Variants in ANKRD36C observed in about 807,000 individuals in gnomAD.
The protein encoded by ANKRD36C is ankyrin repeat domain 36C.
Under a neutral mutation model 276.4 loss-of-function variants are expected in ANKRD36C, and 61 were observed. The observed-to-expected ratio is 0.22, with a 90% CI of 0.18 to 0.27. The LOEUF is 0.27. Among genes scored for constraint, ANKRD36C ranks in the 10% least tolerant of loss-of-function variants. The pLI, the probability that ANKRD36C is intolerant of heterozygous loss-of-function variation, is 1.00. For missense variants in ANKRD36C, 1,447 were observed against 2,032.3 expected, an observed-to-expected ratio of 0.71 and a Z score of 5.54; for synonymous variants, 483 against 680.1, an observed-to-expected ratio of 0.71 and a Z score of 4.51.
In ANKRD36C at chr2:95,895,491, A is replaced by C. The variant is rs1383692085; in HGVS notation, c.2756-3631T>G. 2.1e-5 allele frequency: 29 copies of C among 1,365,976 alleles called. No individual in the cohort carries two copies. The Middle Eastern group carries it at 1.1e-3, about 50-fold the overall frequency. 84.6% of individuals were successfully genotyped at this position (1,365,976 alleles called of 1,614,324 possible). On this transcript the variant is annotated intron_variant, in intron 44 of 66. Coordinates refer to ENST00000456556, the Ensembl canonical transcript of ANKRD36C. ...TGTAGCCTGAATGGAATTTGAAACAAAATAATAAATAAGGTATGTTTCATA... is the reference window on the plus strand; with the variant it reads ...TGTAGCCTGAATGGAATTTGAAACACAATAATAAATAAGGTATGTTTCATA...
chr2:95,925,096 C>A (rs1442753367), intron 30 of ANKRD36C, among the ~76,000 whole-genome samples: 1 of 151,576 alleles, frequency 6.6e-6, no homozygotes, highest in African/African-American at 2.4e-5. Flanking sequence ...GTCCTCCGAT[C>A]CTCTTATGTC....
chr2:95,856,670 G>A (rs761355083), intron 62 of ANKRD36C, among the ~76,000 whole-genome samples: 4 of 151,940 alleles, frequency 2.6e-5, no homozygotes, highest in Non-Finnish European at 5.9e-5. Flanking sequence ...TATTGTTATG[G>A]TCAATTTTAA....
chr2:95,866,710 C>G (rs1436729324), intron 60 of ANKRD36C, among the ~76,000 whole-genome samples: 3 of 151,944 alleles, frequency 2.0e-5, no homozygotes, highest in Non-Finnish European at 4.4e-5. Context: ...TTTGGAAAAC[C>G]ATTTAGCAGC....
intron 1 of ANKRD36C, 60 bp downstream of exon 1, chr2:95,991,452 G>A (rs1679137252): frequency 7.1e-7 from 1 of 1,404,026 alleles, no homozygotes; most frequent in Non-Finnish European, 9.4e-7. Context: ...AGCCTGGAAA[G>A]GGGTACTTCT....
intron 5 of ANKRD36C, among the ~76,000 whole-genome samples, chr2:95,979,119 A>G (rs1353505644): frequency 6.6e-6 from 1 of 152,056 alleles, no homozygotes. Flanking sequence ...AAATATTTAC[A>G]CAACACCCCA....
chr2:95,891,477 C>A (rs1161156173), intron 46 of ANKRD36C, among the ~76,000 whole-genome samples, 188 bp downstream of exon 66: 1 of 151,466 alleles, frequency 6.6e-6, no homozygotes, highest in African/African-American at 2.4e-5. Context: ...AGTGTATACT[C>A]TTACTGCGAA....
chr2:95,945,118 T>C (rs1210370138), exon 18 of ANKRD36C: 2 of 1,537,242 alleles, frequency 1.3e-6, no homozygotes, highest in Admixed American at 3.9e-5. Flanking sequence ...GCTTACACTT[T>C]TCTGCAGATT....
intron 60 of ANKRD36C, among the ~76,000 whole-genome samples, chr2:95,865,074 T>G (rs527714583): frequency 5.5e-4 from 84 of 152,108 alleles, no homozygotes; most frequent in African/African-American, 1.9e-3. Flanking sequence ...CCTGTATAAA[T>G]AAAGTCAAAT....
At chr2:95,986,275 C>G (rs1233961010) in intron 3 of ANKRD36C, among the ~76,000 whole-genome samples, 1 of 151,972 alleles carries the variant, frequency 6.6e-6, no homozygotes, top group African/African-American at 2.4e-5. Flanking sequence ...TAAGCCTTTC[C>G]ACAGAGGAAT....
chr2:95,887,784 G>T (rs1387242612), intron 50 of ANKRD36C, 141 bp downstream of exon 70: 35 of 1,084,938 alleles, frequency 3.2e-5, no homozygotes, highest in Non-Finnish European at 4.4e-5. Context: ...CGTCACCCAA[G>T]AACTTATTAA....
intron 59 of ANKRD36C, among the ~76,000 whole-genome samples, chr2:95,870,823 GA>G (rs1675792030): frequency 6.6e-6 from 1 of 152,198 alleles, no homozygotes; most frequent in African/African-American, 2.4e-5. Context: ...GTGCTTAAAG[GA>G]GCTGATGAAG....
rs543378686 is a variant in ANKRD36C, at chr2:95,962,609, T to A, written c.800-62A>T. On this transcript the variant is annotated intron_variant, in intron 6 of 66. Coordinates refer to ENST00000456556, the Ensembl canonical transcript of ANKRD36C. Reference sequence around the variant, plus strand: ...AAATATGATACAATTATCCATACATTCATGCACTGTTACCATCAAGCTGTA... The same window carrying A: ...AAATATGATACAATTATCCATACATACATGCACTGTTACCATCAAGCTGTA... The A allele has an allele frequency of 3.4e-5, 54 of 1,576,576 alleles. No individual in the cohort carries two copies. In the African/African-American group the frequency reaches 7.1e-4, roughly 21 times the overall value.
At chr2:95,914,384 A>G (rs1275454382) in intron 38 of ANKRD36C, 81 bp from the exon 41 acceptor site, 2 of 1,490,734 alleles carry the variant, frequency 1.3e-6, no homozygotes, top group Non-Finnish European at 1.8e-6. Context: ...GTTAGCATCA[A>G]CCTCTGTCTT....
At chr2:95,964,776 T>G (rs1174842010) in intron 6 of ANKRD36C, among the ~76,000 whole-genome samples, 2 of 151,988 alleles carry the variant, frequency 1.3e-5, no homozygotes, top group African/African-American at 4.8e-5. Flanking sequence ...CTTACCTATT[T>G]TCCTCTCCAG....
At chr2:95,933,482 G>A (rs899180532) in intron 24 of ANKRD36C, among the ~76,000 whole-genome samples, 1 of 152,032 alleles carries the variant, frequency 6.6e-6, no homozygotes. Context: ...TCCTTGAAGA[G>A]GTCTTTCTCA....
At chr2:95,930,254 C>T (rs999061344) in intron 24 of ANKRD36C, among the ~76,000 whole-genome samples, 1 of 151,492 alleles carries the variant, frequency 6.6e-6, no homozygotes, top group Admixed American at 6.6e-5. Context: ...GTCAACAAAA[C>T]ATATACCTCT....
chr2:95,902,803 G>A lies in ANKRD36C; in HGVS notation c.2654-3467C>T, dbSNP rs893532312. On this transcript the variant is annotated intron_variant, in intron 42 of 66. Transcript: ENST00000456556. Reference sequence around the variant, plus strand: ...CTGAATCAGAATGTGCAGCTTCAACGAGCCCCCCGCTGATTTATTCACGGA... The same window carrying A: ...CTGAATCAGAATGTGCAGCTTCAACAAGCCCCCCGCTGATTTATTCACGGA... The A allele has an allele frequency of 4.9e-5, 70 of 1,431,484 alleles. 1 individual carries two copies. The highest frequency in any genetic ancestry group is 2.5e-4 in the Middle Eastern group (1 of 4,014). The allele number at this position is 1,431,484 out of a possible 1,614,324, so 88.7% of individuals were successfully genotyped here.
rs1344402839 is a variant in ANKRD36C at position 95,963,982 on chromosome 2, T to A, written c.800-1435A>T. Among the ~76,000 whole-genome samples the A allele has an allele frequency of 3.8e-3, 54 of 14,216 alleles. 3 individuals carry two copies. The highest frequency in any genetic ancestry group is 5.2e-3 in the Non-Finnish European group (47 of 8,988). The allele number at this position is 14,216 out of a possible 152,430, so 9.3% of individuals were successfully genotyped here. On this transcript the variant is annotated intron_variant, in intron 6 of 66. Transcript: ENST00000456556. ...AAATATATATATATAAATATATATATATATATATATATATATATATATATA... is the reference window on the plus strand; with the variant it reads ...AAATATATATATATAAATATATATAAATATATATATATATATATATATATA...
At chr2:95,980,248 A>G (rs139443361) in intron 5 of ANKRD36C, among the ~76,000 whole-genome samples, 2,624 of 152,204 alleles carry the variant, frequency 0.017, 45 homozygotes, top group Non-Finnish European at 0.023. Context: ...TGATCAGGCT[A>G]TAGTAGATGG....
Sources: gnomAD v4.1 joint callset for allele counts (sites outside exome capture counted in the v4.1 genomes callset) on GRCh38, gnomAD v4.1.1 for gene constraint, MANE v1.5 for transcripts, NCBI Gene and HGNC (gene_info 2026-07-23, HGNC 2026-07-21) for gene names.